SCHIP1: variants seen among roughly 807,000 people sequenced by gnomAD.
SCHIP1 encodes the protein schwannomin-interacting protein 1.
In SCHIP1, 8 loss-of-function variants were observed where a neutral mutation model predicts 29.7. The observed-to-expected ratio is 0.27, with a 90% confidence interval of 0.16 to 0.49. SCHIP1 has a LOEUF of 0.49. Ranked by LOEUF, SCHIP1 falls within the 20% of genes least tolerant of loss-of-function variation. The pLI is 0.99. For missense variants in SCHIP1, 193 were observed against 294.6 expected, an observed-to-expected ratio of 0.66 and a Z score of 2.52; for synonymous variants, 76 against 94.9, an observed-to-expected ratio of 0.80 and a Z score of 1.16.
At chr3:159,308,963 T>C in the SCHIP1 span, among the ~76,000 whole-genome samples, 1 of 151,940 alleles carries the variant, frequency 6.6e-6, no homozygotes, top group Non-Finnish European at 1.5e-5. Context: ...GAGGTAAACA[T>C]TGAACACACA....
the SCHIP1 span, among the ~76,000 whole-genome samples, chr3:159,697,188 C>T: frequency 2.0e-5 from 3 of 152,100 alleles, no homozygotes; most frequent in Admixed American, 2.0e-4. Flanking sequence ...GAAATGTAGA[C>T]AAACTTTAGA....
chr3:159,783,147 T>C, the SCHIP1 span, among the ~76,000 whole-genome samples: 1 of 152,220 alleles, frequency 6.6e-6, no homozygotes, highest in Non-Finnish European at 1.5e-5. Context: ...GGAGTCAACC[T>C]AGCTAGGATT....
chr3:159,776,956 TG>T, the SCHIP1 span, among the ~76,000 whole-genome samples: 1 of 152,264 alleles, frequency 6.6e-6, no homozygotes, highest in African/African-American at 2.4e-5. Flanking sequence ...CATGGTGTCC[TG>T]GAAGGTATGT....
the SCHIP1 span, among the ~76,000 whole-genome samples, chr3:159,491,711 T>C: frequency 6.6e-6 from 1 of 152,228 alleles, no homozygotes; most frequent in African/African-American, 2.4e-5. Context: ...CAATAACCTC[T>C]GCAGACTTAA....
At chr3:159,461,738 G>A in the SCHIP1 span, among the ~76,000 whole-genome samples, 6 of 151,890 alleles carry the variant, frequency 4.0e-5, no homozygotes, top group African/African-American at 1.5e-4. Flanking sequence ...ATGGGAAACG[G>A]AAGGGGGGTC....
At chr3:159,397,794 C>G in the SCHIP1 span, among the ~76,000 whole-genome samples, 1 of 152,186 alleles carries the variant, frequency 6.6e-6, no homozygotes, top group East Asian at 1.9e-4. Context: ...GCCCTGCCCC[C>G]AGAGGTTGAG....
At chr3:159,654,578 C>T in the SCHIP1 span, among the ~76,000 whole-genome samples, 5 of 151,984 alleles carry the variant, frequency 3.3e-5, no homozygotes, top group East Asian at 7.7e-4. Flanking sequence ...ATGTCTGGTG[C>T]CTATAATTTG....
At chr3:159,878,926 A>G (rs1421970307) in intron 2 of SCHIP1, among the ~76,000 whole-genome samples, 1 of 79,524 alleles carries the variant, frequency 1.3e-5, no homozygotes, top group East Asian at 2.3e-4. Context: ...TCTTTCACCA[A>G]AAAAAAAAAA....
At chr3:159,370,817 C>G in the SCHIP1 span, among the ~76,000 whole-genome samples, 1 of 152,150 alleles carries the variant, frequency 6.6e-6, no homozygotes, top group East Asian at 1.9e-4. Flanking sequence ...TGTCCTCCCA[C>G]CTCCCCAGTT....
At chr3:159,805,558 T>C in the SCHIP1 span, among the ~76,000 whole-genome samples, 2 of 152,190 alleles carry the variant, frequency 1.3e-5, no homozygotes, top group African/African-American at 4.8e-5. Flanking sequence ...CAGAACACTC[T>C]CTGTAGTCCT....
chr3:159,655,135 CT>C, the SCHIP1 span, among the ~76,000 whole-genome samples: 7 of 152,172 alleles, frequency 4.6e-5, no homozygotes, highest in Non-Finnish European at 7.3e-5. Flanking sequence ...CTTGAATTCT[CT>C]AAACTTACTT....
At chr3:159,635,900 G>T in the SCHIP1 span, among the ~76,000 whole-genome samples, 1 of 152,108 alleles carries the variant, frequency 6.6e-6, no homozygotes, top group Non-Finnish European at 1.5e-5. Flanking sequence ...ATAGATATTT[G>T]GGAGAAAGAG....
At chr3:159,556,771 G>A in the SCHIP1 span, among the ~76,000 whole-genome samples, 29 of 106,812 alleles carry the variant, frequency 2.7e-4, no homozygotes, top group Middle Eastern at 6.2e-3. Flanking sequence ...ACTGTTGTGG[G>A]GTGGGGGGAG....
At chr3:159,589,997 AT>A in the SCHIP1 span, among the ~76,000 whole-genome samples, 1 of 152,316 alleles carries the variant, frequency 6.6e-6, no homozygotes, top group Admixed American at 6.5e-5. Context: ...CACATAAATA[AT>A]TTTTTAATAT....
the SCHIP1 span, among the ~76,000 whole-genome samples, chr3:159,291,266 T>A: frequency 1.3e-5 from 2 of 152,128 alleles, no homozygotes; most frequent in East Asian, 3.8e-4. Context: ...CCTATGTGTT[T>A]ATAATAAAAT....
the SCHIP1 span, among the ~76,000 whole-genome samples, chr3:159,294,607 AT>A: frequency 6.6e-6 from 1 of 152,226 alleles, no homozygotes; most frequent in Non-Finnish European, 1.5e-5. Flanking sequence ...AAGTTGAAAA[AT>A]TATTCAAATT....
chr3:159,351,723 G>A, the SCHIP1 span, among the ~76,000 whole-genome samples: 2 of 152,072 alleles, frequency 1.3e-5, no homozygotes, highest in African/African-American at 4.8e-5. Flanking sequence ...CTAGTTTATG[G>A]TACAGTGAGT....
the SCHIP1 span, among the ~76,000 whole-genome samples, chr3:159,282,955 T>C: frequency 1.3e-5 from 2 of 151,998 alleles, no homozygotes; most frequent in South Asian, 4.2e-4. Context: ...TACAATTGTA[T>C]AGTTAAGAAA....
At chr3:159,469,434 G>A in the SCHIP1 span, among the ~76,000 whole-genome samples, 2 of 152,072 alleles carry the variant, frequency 1.3e-5, no homozygotes, top group Admixed American at 6.6e-5. Flanking sequence ...AATATTCTCT[G>A]AGCTTCCATT....
Sources: gnomAD v4.1 joint callset for allele counts (sites outside exome capture counted in the v4.1 genomes callset) on GRCh38, gnomAD v4.1.1 for gene constraint, MANE v1.5 for transcripts, NCBI Gene and HGNC (gene_info 2026-07-23, HGNC 2026-07-21) for gene names.